The following MDGA2 variants were observed in gnomAD, a reference collection of about 807,000 sequenced individuals.
MDGA2 encodes MAM domain containing glycosylphosphatidylinositol anchor 2, also known as MAM domain-containing glycosylphosphatidylinositol anchor protein 2.
Under a neutral mutation model 117.8 loss-of-function variants are expected in MDGA2, and 40 were observed. The ratio of observed to expected loss-of-function variants is 0.34; its 90% CI spans 0.26 to 0.44. MDGA2 has a LOEUF of 0.44. Among genes scored for constraint, MDGA2 ranks in the 20% least tolerant of loss-of-function variants. The pLI is 1.00. For missense variants in MDGA2, 1,123 were observed against 1,250.6 expected, an observed-to-expected ratio of 0.90 and a Z score of 1.54; for synonymous variants, 452 against 439.0, an observed-to-expected ratio of 1.03 and a Z score of -0.37.
chr14:47,221,742 TAA>T (rs56103631), intron 2 of MDGA2, among the ~76,000 whole-genome samples: 13,007 of 149,436 alleles, frequency 0.087, 634 homozygotes, highest in Middle Eastern at 0.12. Flanking sequence ...AGAAACTTGG[TAA>T]AATGATGAGA....
At position 47,508,180 on chromosome 14, in the gene MDGA2, T is replaced by C. The variant is rs1363451378; in HGVS notation, c.280+166337A>G. On this transcript the variant is annotated intron_variant, in intron 1 of 16. Coordinates refer to ENST00000399232, the MANE Select transcript of MDGA2 (RefSeq NM_001113498.3). ...TATTCGAAGAAAGTTATCTCTCCTA[T>C]AAATCTTACTTCCAGACTAAATATT... Among the ~76,000 whole-genome samples, 4 of 152,340 alleles carry C rather than the reference T, an allele frequency of 2.6e-5. No homozygotes were observed. In the East Asian group the frequency reaches 7.7e-4, roughly 29 times the overall value.
intron 8 of MDGA2, among the ~76,000 whole-genome samples, chr14:46,980,289 G>GCAAGATAAC (rs1300567304): frequency 4.6e-5 from 7 of 152,286 alleles, no homozygotes; most frequent in African/African-American, 7.2e-5. Context: ...GCTGGAAATA[G>GCAAGATAAC]CAAGATAACT....
intron 1 of MDGA2, among the ~76,000 whole-genome samples, chr14:47,326,582 T>C (rs1890149707): frequency 6.6e-6 from 1 of 152,108 alleles, no homozygotes; most frequent in African/African-American, 2.4e-5. Flanking sequence ...TGTTTCTGCC[T>C]TCAGTTTTAT....
chr14:47,331,798 T>C (rs753753851), intron 1 of MDGA2, among the ~76,000 whole-genome samples: 3 of 151,998 alleles, frequency 2.0e-5, no homozygotes, highest in Non-Finnish European at 4.4e-5. Context: ...ACCTTTGCTG[T>C]CAGTAATTAA....
intron 2 of MDGA2, among the ~76,000 whole-genome samples, chr14:47,224,566 C>T (rs1195378209): frequency 2.0e-5 from 3 of 152,086 alleles, no homozygotes; most frequent in African/African-American, 7.2e-5. Context: ...TATTGTTTGC[C>T]AAGGAGTTCA....
At chr14:46,927,693 T>C (rs1318091120) in intron 9 of MDGA2, among the ~76,000 whole-genome samples, 4 of 152,232 alleles carry the variant, frequency 2.6e-5, no homozygotes, top group African/African-American at 9.6e-5. Flanking sequence ...GCGTTTGTAC[T>C]TGAGACAGAG....
chr14:46,879,534 T>C lies in MDGA2; in HGVS notation c.2417-2025A>G, dbSNP rs186006280. Among the ~76,000 whole-genome samples, 299 of 152,310 alleles carry C rather than the reference T, an allele frequency of 2.0e-3. 1 individual carries two copies. The highest frequency in any genetic ancestry group is 6.8e-3 in the African/African-American group (281 of 41,570). ...ATGTAAAAACAATTTTGAAAACTTATTATTAAAAGTAATATCTATTTCCTG... is the reference window on the plus strand; with the variant it reads ...ATGTAAAAACAATTTTGAAAACTTACTATTAAAAGTAATATCTATTTCCTG... On this transcript the variant is annotated intron_variant, in intron 11 of 16. Transcript: ENST00000399232.
intron 1 of MDGA2, among the ~76,000 whole-genome samples, chr14:47,372,954 G>GATA: frequency 6.6e-6 from 1 of 151,734 alleles, no homozygotes. Context: ...GTTTTTAAAT[G>GATA]ATAAAAAAAA....
At chr14:47,537,190 C>A (rs999013648) in intron 1 of MDGA2, among the ~76,000 whole-genome samples, 2 of 150,926 alleles carry the variant, frequency 1.3e-5, no homozygotes, top group South Asian at 2.1e-4. Flanking sequence ...TCATTCTCAG[C>A]AAACTATCGC....
At chr14:47,582,391 A>C (rs1306386187) in intron 1 of MDGA2, among the ~76,000 whole-genome samples, 2 of 151,878 alleles carry the variant, frequency 1.3e-5, no homozygotes, top group Non-Finnish European at 2.9e-5. Flanking sequence ...AATGGCTTTT[A>C]CATGTGGCTG....
chr14:46,990,218 C>T (rs1015998623), intron 8 of MDGA2, among the ~76,000 whole-genome samples: 1 of 151,960 alleles, frequency 6.6e-6, no homozygotes, highest in African/African-American at 2.4e-5. Context: ...TTATTATAGT[C>T]CCTTACTCCC....
At chr14:47,209,743 G>A (rs187594224) in intron 3 of MDGA2, among the ~76,000 whole-genome samples, 14 of 152,190 alleles carry the variant, frequency 9.2e-5, no homozygotes, top group African/African-American at 3.1e-4. Context: ...CTCTTCATCG[G>A]TATAATTCAG....
intron 8 of MDGA2, among the ~76,000 whole-genome samples, chr14:46,988,448 A>G (rs1418773997): frequency 6.6e-6 from 1 of 152,076 alleles, no homozygotes; most frequent in Non-Finnish European, 1.5e-5. Context: ...AGCAAAGGTT[A>G]GATTCTGACA....
intron 1 of MDGA2, among the ~76,000 whole-genome samples, chr14:47,507,609 C>T (rs1168293633): frequency 2.0e-5 from 3 of 152,132 alleles, no homozygotes; most frequent in Admixed American, 1.3e-4. Flanking sequence ...TTATCAGACA[C>T]TAGAAAAAGA....
chr14:46,870,162 T>C (rs1008968930), intron 14 of MDGA2, among the ~76,000 whole-genome samples: 7 of 151,988 alleles, frequency 4.6e-5, no homozygotes, highest in East Asian at 1.9e-4. Context: ...TAATGCAACA[T>C]ATTTAACTTT....
intron 9 of MDGA2, among the ~76,000 whole-genome samples, chr14:46,950,883 A>G (rs1275874867): frequency 1.3e-5 from 2 of 150,902 alleles, no homozygotes; most frequent in Non-Finnish European, 3.0e-5. Flanking sequence ...TCCAAATTTA[A>G]AAAAAAAAGA....
intron 3 of MDGA2, among the ~76,000 whole-genome samples, chr14:47,205,867 A>G (rs1885664013): frequency 6.6e-6 from 1 of 151,996 alleles, no homozygotes; most frequent in Admixed American, 6.6e-5. Flanking sequence ...GTCTCTGTTT[A>G]CCACTGTGTT....
At chr14:47,645,843 C>T (rs1198950807) in intron 1 of MDGA2, among the ~76,000 whole-genome samples, 9 of 151,456 alleles carry the variant, frequency 5.9e-5, no homozygotes, top group African/African-American at 2.2e-4. Context: ...GAAGCCGAGG[C>T]GGGTGGATCA....
At chr14:46,891,994 A>G (rs1446110549) in intron 10 of MDGA2, among the ~76,000 whole-genome samples, 1 of 151,866 alleles carries the variant, frequency 6.6e-6, no homozygotes, top group East Asian at 1.9e-4. Flanking sequence ...AGTCAGGTTA[A>G]CATACCCTCA....
Sources: allele counts gnomAD v4.1 joint callset (sites outside exome capture counted in the v4.1 genomes callset), GRCh38; gene constraint gnomAD v4.1.1; transcripts MANE v1.5; gene names NCBI Gene and HGNC (gene_info 2026-07-23, HGNC 2026-07-21).